The following COPB2 variants were observed in gnomAD, a reference collection of about 807,000 sequenced individuals.
COPB2 encodes the protein coatomer subunit beta'.
COPB2 carries 16 observed loss-of-function variants against 120.8 expected under a neutral mutation model. That is an observed-to-expected ratio of 0.13 (90% CI 0.09 to 0.20). The LOEUF is 0.20. Ranked by LOEUF, COPB2 falls within the 10% of genes least tolerant of loss-of-function variation. The pLI, the probability that COPB2 is intolerant of heterozygous loss-of-function variation, is 1.00. For synonymous variants in COPB2, 332 were observed against 366.3 expected, an observed-to-expected ratio of 0.91 and a Z score of 1.07; for missense variants, 794 against 1,076.5, an observed-to-expected ratio of 0.74 and a Z score of 3.67.
chr3:139,379,276 G>T, intron 3 of COPB2, 103 bp from the exon 4 acceptor site: 1 of 1,553,108 alleles, frequency 6.4e-7, no homozygotes, highest in Non-Finnish European at 8.8e-7. Flanking sequence ...TCAAAACATT[G>T]CTGTAAATAA....
chr3:139,377,751 A>G (rs543440916), intron 5 of COPB2, among the ~76,000 whole-genome samples: 4 of 152,386 alleles, frequency 2.6e-5, no homozygotes, highest in African/African-American at 9.6e-5. Flanking sequence ...AGTATCCTAA[A>G]AAGATATTGG....
intron 9 of COPB2, among the ~76,000 whole-genome samples, chr3:139,372,990 G>C (rs546276098): frequency 2.6e-5 from 4 of 152,200 alleles, no homozygotes; most frequent in Admixed American, 6.5e-5. Flanking sequence ...ATTCAAAATT[G>C]TGTGGTATAG....
intron 8 of COPB2, 121 bp downstream of exon 8, chr3:139,373,545 C>T: frequency 1.3e-6 from 2 of 1,504,746 alleles, no homozygotes; most frequent in South Asian, 2.4e-5. Flanking sequence ...TGCTTAATGT[C>T]TAGTGCTTAA....
chr3:139,373,467 A>G (rs1467022263), intron 8 of COPB2, 55 bp from the exon 9 acceptor site: 2 of 1,589,572 alleles, frequency 1.3e-6, no homozygotes, highest in Non-Finnish European at 1.7e-6. Context: ...ATAAAACCAA[A>G]ACAAAACAGA....
chr3:139,389,559 C>T lies in COPB2; in HGVS notation c.-9G>A. Reference sequence around the variant, plus strand: ...GGATCTGGACCTACCATGGCTGCGTCGGTCCAATCCCGGGAACCCTCGTTT... The same window carrying T: ...GGATCTGGACCTACCATGGCTGCGTTGGTCCAATCCCGGGAACCCTCGTTT... On this transcript the variant is annotated 5_prime_UTR_variant, in exon 1 of 22. Transcript: ENST00000333188. 1 of 1,575,284 alleles carries T rather than the reference C, an allele frequency of 6.3e-7. No homozygotes were observed. The highest frequency in any genetic ancestry group is 8.7e-7 in the Non-Finnish European group (1 of 1,153,568).
In COPB2 at chr3:139,379,181, CAG is replaced by C. The variant is rs575521367; in HGVS notation, c.229-10_229-9del. 421 of 1,582,900 alleles carry C rather than the reference CAG, an allele frequency of 2.7e-4. 1 individual carries two copies. Among genetic ancestry groups the C allele is most frequent in the Non-Finnish European group, 3.4e-4 (393 of 1,169,456 alleles). Reference sequence around the variant, plus strand: ...TCTAATCTGCATGTCATCCTAGAAACAGAAATTTTAAAACCATCATCCCTGTT... The same window carrying C: ...TCTAATCTGCATGTCATCCTAGAAACAAATTTTAAAACCATCATCCCTGTT... On this transcript the variant is annotated splice_polypyrimidine_tract_variant and intron_variant, in intron 3 of 21. Coordinates refer to ENST00000333188, the MANE Select transcript of COPB2 (RefSeq NM_004766.3).
intron 2 of COPB2, 137 bp downstream of exon 2, chr3:139,383,161 T>C (rs1576379543): frequency 5.0e-6 from 5 of 990,296 alleles, no homozygotes; most frequent in Non-Finnish European, 4.7e-6. Flanking sequence ...TTCCTTCATA[T>C]TTAAAATACT....
At chr3:139,368,520 C>T (rs1027703941) in intron 12 of COPB2, among the ~76,000 whole-genome samples, 5 of 152,178 alleles carry the variant, frequency 3.3e-5, no homozygotes, top group Non-Finnish European at 5.9e-5. Context: ...TGTCAGTAAA[C>T]ACTGAATGTG....
chr3:139,358,744 C>A lies in COPB2; in HGVS notation c.2553G>T (p.Gln851His), dbSNP rs1486073301. The A allele has an allele frequency of 6.2e-7, 1 of 1,605,350 alleles. No homozygotes were observed. The highest frequency in any genetic ancestry group is 1.7e-5 in the Admixed American group (1 of 59,982). The part of the protein sequence containing the change: ...DFQPSRSTAQ[Q>H]ELDGKPASPT... ...TTATCACATGAAGTGCTCTACTGAC[C>A]TGTTGAGCTGTAGATCTTGAGGGCT... Residue 851 changes from glutamine (Q) to histidine (H), a missense_variant and splice_region_variant, in exon 20 of 22, where the codon CAG (glutamine) becomes CAT (histidine). Transcript: ENST00000333188.
chr3:139,377,525 G>C (rs747741410), intron 5 of COPB2, among the ~76,000 whole-genome samples: 3 of 152,188 alleles, frequency 2.0e-5, no homozygotes, highest in Non-Finnish European at 4.4e-5. Context: ...AGGAGATGTC[G>C]CATAATATTA....
chr3:139,366,882 A>C, intron 14 of COPB2, 107 bp from the exon 15 acceptor site: 1 of 1,479,728 alleles, frequency 6.8e-7, no homozygotes, highest in Non-Finnish European at 9.2e-7. Context: ...GATTGACACA[A>C]TTCTGGTTAA....
At chr3:139,370,348 C>G (rs759009722) in intron 10 of COPB2, among the ~76,000 whole-genome samples, 10 of 152,118 alleles carry the variant, frequency 6.6e-5, no homozygotes, top group Non-Finnish European at 1.2e-4. Flanking sequence ...GATTCACGTC[C>G]CAGGTAGGAT....
At position 139,389,636 on chromosome 3, in the gene COPB2, G is replaced by A; in HGVS notation, c.-86C>T. The stretch of plus-strand genomic sequence containing the variant: ...AAACCCACCGATCCACTGACCGTCA[G>A]ACTGACTGACGTGGAACTTCCGGGA... On this transcript the variant is annotated 5_prime_UTR_variant, in exon 1 of 22. Transcript: ENST00000333188. 1.5e-6 allele frequency: 2 copies of A among 1,379,014 alleles called. No individual in the cohort carries two copies. The highest frequency in any genetic ancestry group is 2.0e-6 in the Non-Finnish European group (2 of 1,005,260). The allele number at this position is 1,379,014 out of a possible 1,614,324, so 85.4% of individuals were successfully genotyped here. A position where few individuals can be genotyped will look rare whatever the true frequency, so the allele number is the denominator to read the frequency against.
rs187748619 is a variant in COPB2, at chr3:139,368,155, T to A, written c.1535A>T (p.Asp512Val). The A allele has an allele frequency of 4.0e-5, 64 of 1,612,872 alleles. No homozygotes were observed. The highest frequency in any genetic ancestry group is 1.7e-4 in the Middle Eastern group (1 of 6,054). Residue 512 changes from aspartate (D) to valine (V), a missense_variant, in exon 13 of 22, where the codon GAT (aspartate) becomes GTT (valine). Physicochemically the swap from Asp to Val is radical, Grantham distance 152. Around this residue, in one of 3 missense-constraint regions of COPB2, gnomAD observed 610 missense variants for 866.7 expected, o/e 0.70. Transcript: ENST00000333188. ...HEGVTEDGIE[D>V]AFEVLGEIQE... Reference sequence around the variant, plus strand: ...TGCTGATGCAATTACCTCAAAGGCATCTTCAATGCCATCTTCAGTAACTCC... The same window carrying A: ...TGCTGATGCAATTACCTCAAAGGCAACTTCAATGCCATCTTCAGTAACTCC...
At position 139,358,359 on chromosome 3, in the gene COPB2, T is replaced by G. The variant is rs113807526; in HGVS notation, c.2554-88A>C. The G allele has an allele frequency of 0.017, 19,998 of 1,173,652 alleles. 1,240 individuals carry two copies. In the African/African-American group the frequency reaches 0.17, roughly 10 times the overall value. The allele number at this position is 1,173,652 out of a possible 1,614,324, so 72.7% of individuals were successfully genotyped here. On this transcript the variant is annotated intron_variant, in intron 20 of 21. Transcript: ENST00000333188. ...CCCCCAAGAAAAGGATGATCAGAAT[T>G]AGGAAGTGGGAGATGATGTTTAAAA...
intron 13 of COPB2, among the ~76,000 whole-genome samples, chr3:139,367,414 A>G (rs1941538417): frequency 6.6e-6 from 1 of 151,812 alleles, no homozygotes; most frequent in Non-Finnish European, 1.5e-5. Flanking sequence ...CAGCCTCCCA[A>G]GTATCTGGGA....
intron 21 of COPB2, 119 bp from the exon 22 acceptor site, chr3:139,358,077 C>G (rs896751196): frequency 2.9e-6 from 3 of 1,039,252 alleles, no homozygotes; most frequent in Non-Finnish European, 4.3e-6. Context: ...AGAGCATCTT[C>G]CCATTTCAAA....
chr3:139,358,977 C>T, intron 19 of COPB2, 21 bp downstream of exon 19: 4 of 1,606,544 alleles, frequency 2.5e-6, no homozygotes, highest in Non-Finnish European at 3.4e-6. Context: ...ATAAATGAAG[C>T]TTGACATCCT....
chr3:139,360,033 T>G (rs916210240), intron 17 of COPB2, among the ~76,000 whole-genome samples: 1 of 152,160 alleles, frequency 6.6e-6, no homozygotes, highest in Non-Finnish European at 1.5e-5. Context: ...GCTCAGGTCT[T>G]GCCATCAAAA....
Sources: gnomAD v4.1 joint callset for allele counts (sites outside exome capture counted in the v4.1 genomes callset) on GRCh38, gnomAD v4.1.1 for gene constraint, gnomAD v4.1.1 regional missense constraint, MANE v1.5 for transcripts, NCBI Gene and HGNC (gene_info 2026-07-23, HGNC 2026-07-21) for gene names.